BDH1: variants seen among roughly 807,000 people sequenced by gnomAD.
BDH1 encodes the protein 3-hydroxybutyrate dehydrogenase 1, also known as D-beta-hydroxybutyrate dehydrogenase, mitochondrial.
Under a neutral mutation model 33.1 loss-of-function variants are expected in BDH1, and 30 were observed. The ratio of observed to expected loss-of-function variants is 0.91; its 90% CI spans 0.68 to 1.23. BDH1 has a LOEUF of 1.23. Among genes scored for constraint, BDH1 ranks in the 50% most tolerant of loss-of-function variants. The probability of loss-of-function intolerance (pLI) is 0.00; values close to 1 mark genes in which losing one functional copy is unlikely to be tolerated. For synonymous variants in BDH1, 190 were observed against 183.6 expected (o/e 1.03, Z -0.28); for missense variants, 443 against 464.4 (o/e 0.95, Z 0.42).
Position 197,514,351 on chromosome 3 carries a change from C to A in BDH1, c.475G>T (p.Glu159Ter). The change falls in exon 7 of 8, where the codon GAG becomes TAG. Residue 159 changes from glutamate to a stop codon, truncating the protein, a stop_gained. Transcript: ENST00000392379. LOFTEE classifies it high-confidence loss of function. This position sits in a 1 kb window ranked among gnomAD's most constrained non-coding sequence, Gnocchi z 4.2. Reference protein sequence around the residue: ...TFGEVEFTSLETYKQVAEVNL... With the variant: ...TFGEVEFTSL ...ACTTCTGCCACCTGCTTGTAGGTCT[C>A]CAGGCTGGTGAACTCCACCTCCCCG... 6.2e-7 allele frequency: 1 copy of A among 1,613,806 alleles called. No individual in the cohort carries two copies. The highest frequency in any genetic ancestry group is 8.5e-7 in the Non-Finnish European group (1 of 1,179,874).
At chr3:197,546,292 C>T in intron 3 of BDH1, 69 bp downstream of exon 3, 2 of 1,468,642 alleles carry the variant, frequency 1.4e-6, no homozygotes, top group Non-Finnish European at 1.9e-6. Flanking sequence ...CCTACACTGT[C>T]CATGTGTGAA....
At chr3:197,572,560 A>C (rs765847936) in intron 1 of BDH1, among the ~76,000 whole-genome samples, 16 of 152,182 alleles carry the variant, frequency 1.1e-4, no homozygotes, top group Non-Finnish European at 2.1e-4. Flanking sequence ...GGCCGCAAGA[A>C]TAAGCAGCCC....
At chr3:197,568,078 C>T (rs573126870) in intron 1 of BDH1, among the ~76,000 whole-genome samples, 6 of 152,310 alleles carry the variant, frequency 3.9e-5, no homozygotes, top group African/African-American at 1.4e-4. Context: ...CTGGTCTTCT[C>T]TGCCCTCAGT....
At chr3:197,547,566 C>T (rs35599589) in intron 2 of BDH1, among the ~76,000 whole-genome samples, 7,894 of 152,352 alleles carry the variant, frequency 0.052, 246 homozygotes, top group African/African-American at 0.069. Flanking sequence ...TCTGGTGTTA[C>T]CTTTCCAGAA....
At chr3:197,541,839 T>C (rs1177230170) in intron 3 of BDH1, among the ~76,000 whole-genome samples, 1 of 152,206 alleles carries the variant, frequency 6.6e-6, no homozygotes, top group Non-Finnish European at 1.5e-5. Context: ...GGGGTTCCCC[T>C]TTGAGCCCCT....
At chr3:197,553,297 G>C (rs111369354) in intron 2 of BDH1, among the ~76,000 whole-genome samples, 14,766 of 149,862 alleles carry the variant, frequency 0.099, 923 homozygotes, top group African/African-American at 0.16. Flanking sequence ...TTGGGAGGCC[G>C]AGGTGGGCAG....
chr3:197,528,248 G>C lies in BDH1; in HGVS notation c.267+4164C>G, dbSNP rs1714290424. The C allele has an allele frequency of 6.6e-6, 1 of 152,198 alleles. No individual in the cohort carries two copies. The highest frequency in any genetic ancestry group is 1.5e-5 in the Non-Finnish European group (1 of 68,082). 9.4% of individuals were successfully genotyped at this position (152,198 alleles called of 1,614,324 possible). ...TTTCTGCAACAAGGAGCAGAGCCGT[G>C]GGGAGGTAATGTACACAGGGTGTGG... On this transcript the variant is annotated intron_variant, in intron 5 of 7. Transcript: ENST00000392379. This position sits in a 1 kb window ranked among gnomAD's most constrained non-coding sequence, Gnocchi z 5.1.
chr3:197,560,305 C>T (rs934312292), upstream of BDH1, among the ~76,000 whole-genome samples: 2 of 152,174 alleles, frequency 1.3e-5, no homozygotes, highest in South Asian at 2.1e-4. Flanking sequence ...AAATATTTGC[C>T]GTGGTGTGCT....
intron 1 of BDH1, among the ~76,000 whole-genome samples, chr3:197,563,387 TAAAC>T (rs1460694169): frequency 6.6e-6 from 1 of 152,148 alleles, no homozygotes; most frequent in Non-Finnish European, 1.5e-5. Flanking sequence ...TTAGGATCCT[TAAAC>T]AACAATTTCC....
chr3:197,547,764 C>G (rs1415756906), intron 2 of BDH1, among the ~76,000 whole-genome samples: 2 of 152,246 alleles, frequency 1.3e-5, no homozygotes, highest in South Asian at 2.1e-4. Flanking sequence ...CCACCCTCCT[C>G]TTTGCTCACT....
chr3:197,564,801 G>A (rs1717381042), intron 1 of BDH1, among the ~76,000 whole-genome samples: 1 of 152,102 alleles, frequency 6.6e-6, no homozygotes, highest in Non-Finnish European at 1.5e-5. Context: ...CCTAAGTAAA[G>A]GTTATAAAGG....
At chr3:197,548,969 C>T (rs1716332377) in intron 2 of BDH1, among the ~76,000 whole-genome samples, 1 of 152,226 alleles carries the variant, frequency 6.6e-6, no homozygotes, top group Non-Finnish European at 1.5e-5. Context: ...GCTATTTCCA[C>T]TGCAGGGCTC....
At chr3:197,550,153 CA>C (rs1187094159) in intron 2 of BDH1, among the ~76,000 whole-genome samples, 1 of 152,088 alleles carries the variant, frequency 6.6e-6, no homozygotes, top group Non-Finnish European at 1.5e-5. Flanking sequence ...TAACCATTCT[CA>C]AACAAAAGTC....
Position 197,526,901 on chromosome 3 carries a change from T to C in BDH1, c.268-4120A>G, listed in dbSNP as rs1241335777. On this transcript the variant is annotated intron_variant, in intron 5 of 7. Transcript: ENST00000392379. The surrounding 1 kb of genome is among the most constrained non-coding windows in gnomAD (Gnocchi z 4.7). ...CGGGGAGTTCAAGAACTTGGAGAAG[T>C]CCAGAAGCTCTCCAAGGCATTCATA... 1.3e-5 allele frequency among the ~76,000 whole-genome samples: 2 copies of C among 152,170 alleles called. No individual in the cohort carries two copies. The highest frequency in any genetic ancestry group is 1.5e-5 in the Non-Finnish European group (1 of 68,028).
chr3:197,536,798 G>A (rs574459697), intron 3 of BDH1, among the ~76,000 whole-genome samples: 69 of 152,212 alleles, frequency 4.5e-4, no homozygotes, highest in African/African-American at 1.6e-3. Context: ...AGCCGAGATC[G>A]CACCATTGCA....
intron 5 of BDH1, chr3:197,530,630 T>C (rs2108739361): frequency 6.6e-6 from 1 of 152,018 alleles, no homozygotes; most frequent in African/African-American, 2.4e-5. Context: ...AAATACAAAG[T>C]TATTCATTGT....
At chr3:197,532,347 T>TA in intron 5 of BDH1, 65 bp downstream of exon 5, 1 of 1,464,978 alleles carries the variant, frequency 6.8e-7, no homozygotes, top group Middle Eastern at 1.7e-4. Context: ...AAGCACTTTT[T>TA]AAAAGACTAA....
chr3:197,515,717 C>T (rs1015022366), intron 6 of BDH1: 30 of 953,994 alleles, frequency 3.1e-5, no homozygotes, highest in East Asian at 1.2e-4. Flanking sequence ...CCTCCCTCCA[C>T]GCCAGGCTTC....
At chr3:197,515,223 C>A (rs140302694) in intron 6 of BDH1, 5 of 921,066 alleles carry the variant, frequency 5.4e-6, no homozygotes, top group Admixed American at 6.2e-5. Flanking sequence ...CCCTCTGGTG[C>A]CTTCTCCTTC....
Sources: gnomAD v4.1 joint callset for allele counts (sites outside exome capture counted in the v4.1 genomes callset) on GRCh38, gnomAD v4.1.1 for gene constraint, Gnocchi (gnomAD v3.1) non-coding constraint, MANE v1.5 for transcripts, NCBI Gene and HGNC (gene_info 2026-07-23, HGNC 2026-07-21) for gene names.